ITGA4: variants seen among roughly 807,000 people sequenced by gnomAD.
ITGA4 encodes the protein integrin subunit alpha 4.
A neutral mutation model predicts 133.6 loss-of-function variants in ITGA4; 63 were observed. The ratio of observed to expected loss-of-function variants is 0.47; its 90% CI spans 0.38 to 0.58. The LOEUF (loss-of-function observed/expected upper bound fraction) is 0.58. ITGA4 is among the 20% of genes least tolerant of loss of function. The pLI, the probability that ITGA4 is intolerant of heterozygous loss-of-function variation, is 0.00. For synonymous variants in ITGA4, 483 were observed against 438.0 expected (o/e 1.10, Z -1.28); for missense variants, 1,076 against 1,252.7 (o/e 0.86, Z 2.13).
Position 181,511,707 on chromosome 2 carries a change from T to C in ITGA4, c.1854T>C (p.Phe618=), listed in dbSNP as rs1366285082. ...EKDIMKKTIN[F]ARFCAHENCS... Reference sequence around the variant, plus strand: ...TGTCTTTTTATTTCCAGATAAACTTTGCAAGGTTTTGTGCCCATGAAAATT... The same window carrying C: ...TGTCTTTTTATTTCCAGATAAACTTCGCAAGGTTTTGTGCCCATGAAAATT... Residue 618 remains phenylalanine (F), a synonymous_variant, in exon 17 of 28, where the codon TTT becomes TTC. Coordinates refer to ENST00000397033, the MANE Select transcript of ITGA4 (RefSeq NM_000885.6). 2 of 1,577,452 alleles carry C rather than the reference T, an allele frequency of 1.3e-6. No homozygotes were observed. Among genetic ancestry groups the C allele is most frequent in the East Asian group, 2.2e-5 (1 of 44,602 alleles).
intron 17 of ITGA4, among the ~76,000 whole-genome samples, chr2:181,512,622 T>G (rs1410279467): frequency 6.6e-6 from 1 of 151,970 alleles, no homozygotes; most frequent in African/African-American, 2.4e-5. Context: ...CCTGGTGAAA[T>G]AGCCAATGGA....
chr2:181,458,275 A>T lies in ITGA4; in HGVS notation c.277A>T (p.Ile93Phe). The T allele has an allele frequency of 6.2e-7, 1 of 1,613,014 alleles. No individual in the cohort carries two copies. The highest frequency in any genetic ancestry group is 8.5e-7 in the Non-Finnish European group (1 of 1,179,540). ...INPGAIYRCRIGKNPGQTCEQ... is the reference protein window; with the variant it reads ...INPGAIYRCRFGKNPGQTCEQ... ...TCCCGGGGCGATTTACAGATGCAGG[A>T]TCGGAAAGAATCCCGGCCAGACGTG... Residue 93 changes from isoleucine to phenylalanine, a missense_variant, in exon 2 of 28, where the codon ATC becomes TTC. Ile to Phe is a conservative substitution (Grantham distance 21). Coordinates refer to ENST00000397033, the MANE Select transcript of ITGA4 (RefSeq NM_000885.6).
chr2:181,531,430 C>T (rs1183161953), intron 24 of ITGA4, among the ~76,000 whole-genome samples: 1 of 152,092 alleles, frequency 6.6e-6, no homozygotes, highest in African/African-American at 2.4e-5. Flanking sequence ...ATAATAAGAA[C>T]ATATGCTGCA....
chr2:181,517,991 G>T (rs1686644157), intron 17 of ITGA4, among the ~76,000 whole-genome samples: 1 of 151,902 alleles, frequency 6.6e-6, no homozygotes, highest in Non-Finnish European at 1.5e-5. Context: ...TTAATGTCAA[G>T]CTGAAGTTTA....
chr2:181,462,018 TAAA>T (rs1340574024), intron 2 of ITGA4, among the ~76,000 whole-genome samples: 2 of 152,046 alleles, frequency 1.3e-5, no homozygotes, highest in Non-Finnish European at 2.9e-5. Context: ...TTAGGTTAAA[TAAA>T]ATTAATTTTA....
chr2:181,479,192 CAGT>C (rs1685746909), intron 5 of ITGA4: 1 of 158,356 alleles, frequency 6.3e-6, no homozygotes, highest in Non-Finnish European at 1.4e-5. Context: ...GGAAGAATAT[CAGT>C]CTATATTTTT....
At chr2:181,459,928 CAT>C (rs1685227113) in intron 2 of ITGA4, among the ~76,000 whole-genome samples, 2 of 152,052 alleles carry the variant, frequency 1.3e-5, no homozygotes, top group East Asian at 1.9e-4. Context: ...TAAATCATGA[CAT>C]AATACTGTAT....
chr2:181,457,446 G>A lies in ITGA4; in HGVS notation c.-209G>A. On this transcript the variant is annotated 5_prime_UTR_variant, in exon 1 of 28. Coordinates refer to ENST00000397033, the MANE Select transcript of ITGA4 (RefSeq NM_000885.6). ...GCAGAAACCGGGAGTGGGGCCGGGCGAGTGCGCGGCATCCCAGGCCGGCCC... is the reference window on the plus strand; with the variant it reads ...GCAGAAACCGGGAGTGGGGCCGGGCAAGTGCGCGGCATCCCAGGCCGGCCC... The A allele has an allele frequency of 1.9e-6, 1 of 529,290 alleles. No homozygotes were observed. The highest frequency in any genetic ancestry group is 3.3e-6 in the Non-Finnish European group (1 of 301,216). 32.8% of individuals were successfully genotyped at this position (529,290 alleles called of 1,614,324 possible).
chr2:181,535,560 G>GACTC lies in ITGA4; in HGVS notation c.*35_*38dup, dbSNP rs1559060654. The GACTC allele has an allele frequency of 1.3e-6, 2 of 1,562,792 alleles. No homozygotes were observed. Among genetic ancestry groups the GACTC allele is most frequent in the East Asian group, 2.3e-5 (1 of 44,052 alleles). ...TTTCAAATTGAGAGAATGGAAAACA[G>GACTC]ACTCAGGTTGTAGTAAAGAAATTTA... is the stretch of plus-strand genomic sequence containing the variant. On this transcript the variant is annotated 3_prime_UTR_variant, in exon 28 of 28. Coordinates refer to ENST00000397033, the MANE Select transcript of ITGA4 (RefSeq NM_000885.6).
intron 9 of ITGA4, among the ~76,000 whole-genome samples, chr2:181,483,843 G>T (rs555889420): frequency 4.1e-4 from 63 of 152,234 alleles, no homozygotes; most frequent in African/African-American, 1.5e-3. Context: ...ACATCCACAT[G>T]TATACCTAAA....
chr2:181,499,864 A>G (rs1259962522), intron 15 of ITGA4, among the ~76,000 whole-genome samples: 1 of 152,232 alleles, frequency 6.6e-6, no homozygotes, highest in Admixed American at 6.5e-5. Flanking sequence ...AAAAGGGCCA[A>G]CATTAGATGT....
In ITGA4 at chr2:181,531,757, G is replaced by A. The variant is rs370888517; in HGVS notation, c.2765G>A (p.Arg922Gln). ...AGTGTTCATATCCAACTGGAAGGCC[G>A]GCCATCCATTTTAGAAATGGTAAGT... is the stretch of plus-strand genomic sequence containing the variant. The part of the protein sequence containing the change: ...EASVHIQLEG[R>Q]PSILEMDETS... Residue 922 changes from arginine (R) to glutamine (Q), a missense_variant, in exon 25 of 28, where the codon CGG becomes CAG. Coordinates refer to ENST00000397033, the MANE Select transcript of ITGA4 (RefSeq NM_000885.6). 18 of 1,596,138 alleles carry A rather than the reference G, an allele frequency of 1.1e-5. No homozygotes were observed. Among genetic ancestry groups the A allele is most frequent in the Admixed American group, 3.5e-5 (2 of 56,628 alleles).
In ITGA4 at chr2:181,476,036, A is replaced by G. The variant is rs544298801; in HGVS notation, c.556+748A>G. 1.5e-3 allele frequency: 1,192 copies of G among 783,058 alleles called. 38 individuals carry two copies. The South Asian group carries it at 0.032, about 21-fold the overall frequency. 48.5% of individuals were successfully genotyped at this position (783,058 alleles called of 1,614,324 possible). A position where few individuals can be genotyped will look rare whatever the true frequency, so the allele number is the denominator to read the frequency against. ...CAAAGAAAAATTTTATTGGTTGGCA[A>G]AACTTTGGCCAAGTATTTGAGTTCA... On this transcript the variant is annotated intron_variant, in intron 4 of 27. Transcript: ENST00000397033.
chr2:181,504,943 A>C (rs562041106), intron 15 of ITGA4, among the ~76,000 whole-genome samples: 10 of 151,962 alleles, frequency 6.6e-5, no homozygotes, highest in Middle Eastern at 3.4e-3. Flanking sequence ...CAATTATATA[A>C]GATGGTGATG....
At chr2:181,478,033 T>C (rs564285335) in intron 4 of ITGA4, among the ~76,000 whole-genome samples, 1 of 152,060 alleles carries the variant, frequency 6.6e-6, no homozygotes, top group Non-Finnish European at 1.5e-5. Context: ...CAATGGAGTA[T>C]TATTCAGCCT....
intron 15 of ITGA4, among the ~76,000 whole-genome samples, chr2:181,504,300 T>G (rs1234908692): frequency 6.6e-6 from 1 of 152,084 alleles, no homozygotes; most frequent in Non-Finnish European, 1.5e-5. Flanking sequence ...ATTTCTGAAT[T>G]TTAGATTTAT....
intron 19 of ITGA4, 66 bp from the exon 20 acceptor site, chr2:181,524,105 A>T (rs1686783667): frequency 2.8e-6 from 3 of 1,061,366 alleles, no homozygotes; most frequent in Admixed American, 2.3e-5. Flanking sequence ...TTAAGAAAAA[A>T]ATTCAGATTA....
In ITGA4 at chr2:181,493,228, T is replaced by G. The variant is rs1300019865; in HGVS notation, c.1154-97T>G. Reference sequence around the variant, plus strand: ...TGTTATTTTTCATAAAAGAGAGTTTTCTTATGTGATATGAATTAAGGTTCA... The same window carrying G: ...TGTTATTTTTCATAAAAGAGAGTTTGCTTATGTGATATGAATTAAGGTTCA... On this transcript the variant is annotated intron_variant, in intron 10 of 27. Coordinates refer to ENST00000397033, the MANE Select transcript of ITGA4 (RefSeq NM_000885.6). The G allele has an allele frequency of 1.4e-5, 10 of 705,890 alleles. No homozygotes were observed. The East Asian group carries it at 2.7e-4, about 19-fold the overall frequency. 43.7% of individuals were successfully genotyped at this position (705,890 alleles called of 1,614,324 possible).
At position 181,475,035 on chromosome 2, in the gene ITGA4, C is replaced by G. The variant is rs1476963190; in HGVS notation, c.395C>G (p.Ser132Cys). The change falls in exon 3 of 28, where the codon TCC becomes TGC. Residue 132 changes from serine to cysteine, a missense_variant. Ser to Cys is a moderately radical substitution (Grantham distance 112, BLOSUM62 -1). This residue lies in a region of ITGA4 where 436 missense variants were observed against 590.7 expected (regional missense o/e 0.74). Transcript: ENST00000397033. ...AATCAGTGGTTGGGGGTCACACTTT[C>G]CAGACAGCCAGGAGAAAATGGATCC... ...RDNQWLGVTLSRQPGENGSIV... is the reference protein window; with the variant it reads ...RDNQWLGVTLCRQPGENGSIV... 4 of 1,613,874 alleles carry G rather than the reference C, an allele frequency of 2.5e-6. No homozygotes were observed. The Admixed American group carries it at 5.0e-5, about 20-fold the overall frequency.
Sources: gnomAD v4.1 joint callset for allele counts (sites outside exome capture counted in the v4.1 genomes callset) on GRCh38, gnomAD v4.1.1 for gene constraint, gnomAD v4.1.1 regional missense constraint, MANE v1.5 for transcripts, NCBI Gene and HGNC (gene_info 2026-07-23, HGNC 2026-07-21) for gene names.